The following TMEM123 variants were observed in gnomAD, a reference collection of about 807,000 sequenced individuals.
TMEM123 encodes the protein transmembrane protein 123, also known as porimin.
Under a neutral mutation model 19.7 loss-of-function variants are expected in TMEM123, and 16 were observed. The observed-to-expected ratio is 0.81, with a 90% CI of 0.55 to 1.23. The LOEUF is 1.23. Among genes scored for constraint, TMEM123 ranks in the 50% most tolerant of loss-of-function variants. TMEM123 has a pLI of 0.00. For synonymous variants in TMEM123, 118 were observed against 99.4 expected, an observed-to-expected ratio of 1.19 and a Z score of -1.12; for missense variants, 313 against 257.8, an observed-to-expected ratio of 1.21 and a Z score of -1.47.
At chr11:102,412,032 T>C (rs1040842909) in intron 2 of TMEM123, among the ~76,000 whole-genome samples, 19 of 152,326 alleles carry the variant, frequency 1.2e-4, no homozygotes, top group Admixed American at 1.0e-3. Context: ...TGTTGCTTTG[T>C]TATGTTACTT....
At chr11:102,424,440 CT>C (rs1952109700) in intron 2 of TMEM123, among the ~76,000 whole-genome samples, 1 of 152,168 alleles carries the variant, frequency 6.6e-6, no homozygotes, top group Non-Finnish European at 1.5e-5. Context: ...AATCCCAACA[CT>C]TTGGGAGGCT....
intron 2 of TMEM123, among the ~76,000 whole-genome samples, chr11:102,419,312 A>G (rs1400971060): frequency 1.3e-5 from 2 of 152,220 alleles, no homozygotes; most frequent in Non-Finnish European, 2.9e-5. Flanking sequence ...CATATCCTGA[A>G]TAAGTACTTT....
At chr11:102,447,885 C>T (rs898732502) in intron 2 of TMEM123, among the ~76,000 whole-genome samples, 36 of 152,156 alleles carry the variant, frequency 2.4e-4, no homozygotes, top group African/African-American at 8.4e-4. Context: ...CTGGGATGCC[C>T]CACAGGAATA....
At chr11:102,411,522 C>T (rs1450028678) in intron 2 of TMEM123, among the ~76,000 whole-genome samples, 2 of 152,124 alleles carry the variant, frequency 1.3e-5, no homozygotes, top group African/African-American at 4.8e-5. Context: ...ATTAGGAGTA[C>T]AAGAGCTGAA....
At chr11:102,411,485 G>C (rs75120163) in intron 2 of TMEM123, among the ~76,000 whole-genome samples, 1 of 152,200 alleles carries the variant, frequency 6.6e-6, no homozygotes, top group Non-Finnish European at 1.5e-5. Context: ...CAAGGAGGGG[G>C]TTATGGGAAA....
At chr11:102,440,165 C>A (rs1404255997) in intron 2 of TMEM123, among the ~76,000 whole-genome samples, 1 of 152,156 alleles carries the variant, frequency 6.6e-6, no homozygotes, top group Non-Finnish European at 1.5e-5. Context: ...CCTAGCAAGG[C>A]AGGCCAACAT....
chr11:102,429,618 A>G (rs1036780790), intron 2 of TMEM123, among the ~76,000 whole-genome samples: 9 of 152,206 alleles, frequency 5.9e-5, no homozygotes, highest in South Asian at 2.1e-4. Flanking sequence ...GACTCTACTT[A>G]CACCAAACCA....
intron 2 of TMEM123, among the ~76,000 whole-genome samples, chr11:102,446,343 G>A (rs1857883093): frequency 6.6e-6 from 1 of 152,178 alleles, no homozygotes; most frequent in Non-Finnish European, 1.5e-5. Flanking sequence ...AATGTCAAAA[G>A]TACAGCTGTC....
chr11:102,419,457 C>T (rs1952066899), intron 2 of TMEM123, among the ~76,000 whole-genome samples: 1 of 152,200 alleles, frequency 6.6e-6, no homozygotes, highest in South Asian at 2.1e-4. Context: ...AAATGGTACT[C>T]TAGCAAGAAA....
At chr11:102,428,513 G>T (rs1413613287) in intron 2 of TMEM123, among the ~76,000 whole-genome samples, 1 of 149,838 alleles carries the variant, frequency 6.7e-6, no homozygotes, top group Non-Finnish European at 1.5e-5. Flanking sequence ...TGCCATGTTG[G>T]CCAGGCTGCT....
chr11:102,403,624 G>GGTTT (rs1333949241), intron 2 of TMEM123, among the ~76,000 whole-genome samples: 1 of 152,120 alleles, frequency 6.6e-6, no homozygotes, highest in Non-Finnish European at 1.5e-5. Flanking sequence ...CTACTGCTAT[G>GGTTT]GTTTGGATTT....
chr11:102,430,892 A>G (rs1033296110), intron 2 of TMEM123, among the ~76,000 whole-genome samples: 4 of 152,232 alleles, frequency 2.6e-5, no homozygotes, highest in Admixed American at 1.3e-4. Context: ...CCCAAAATAC[A>G]ACATAATACA....
chr11:102,413,509 A>T (rs570212179), intron 2 of TMEM123, among the ~76,000 whole-genome samples: 166 of 152,242 alleles, frequency 1.1e-3, no homozygotes, highest in Non-Finnish European at 1.5e-3. Context: ...GTGGACCAGG[A>T]ACACCTAAGT....
At chr11:102,412,060 T>G (rs12279712) in intron 2 of TMEM123, among the ~76,000 whole-genome samples, 1,868 of 152,290 alleles carry the variant, frequency 0.012, 39 homozygotes, top group African/African-American at 0.042. Context: ...CTGGGCTGCT[T>G]CCCACCCATT....
intron 2 of TMEM123, among the ~76,000 whole-genome samples, chr11:102,411,069 C>A (rs944137697): frequency 6.6e-6 from 1 of 151,938 alleles, no homozygotes; most frequent in African/African-American, 2.4e-5. Flanking sequence ...TTCATGAGGA[C>A]CCCCCCTTTT....
At chr11:102,404,320 G>C (rs1951936061) in intron 2 of TMEM123, among the ~76,000 whole-genome samples, 1 of 152,188 alleles carries the variant, frequency 6.6e-6, no homozygotes. Flanking sequence ...GTCTTACTCT[G>C]TCACCCAGGC....
intron 2 of TMEM123, among the ~76,000 whole-genome samples, chr11:102,421,173 T>C (rs1236763639): frequency 6.6e-6 from 1 of 152,234 alleles, no homozygotes; most frequent in Non-Finnish European, 1.5e-5. Context: ...CAAATACTCT[T>C]GATATGCCAT....
chr11:102,415,068 C>A (rs183590734), intron 2 of TMEM123, among the ~76,000 whole-genome samples: 1 of 152,152 alleles, frequency 6.6e-6, no homozygotes, highest in Admixed American at 6.5e-5. Context: ...AACTTTAAAC[C>A]AATAACAATC....
chr11:102,401,728 T>A, intron 3 of TMEM123, 36 bp from the exon 4 acceptor site: 1 of 1,546,550 alleles, frequency 6.5e-7, no homozygotes, highest in South Asian at 1.3e-5. Flanking sequence ...GCTTTAGCGT[T>A]ATTTTTTTTT....
Sources: gnomAD v4.1 joint callset for allele counts (sites outside exome capture counted in the v4.1 genomes callset) on GRCh38, gnomAD v4.1.1 for gene constraint, MANE v1.5 for transcripts, NCBI Gene and HGNC (gene_info 2026-07-23, HGNC 2026-07-21) for gene names.